CDH18: variants seen among roughly 807,000 people sequenced by gnomAD.
CDH18 encodes the protein cadherin 18.
CDH18 carries 31 observed loss-of-function variants against 67.9 expected under a neutral mutation model. The observed-to-expected ratio is 0.46, with a 90% CI of 0.34 to 0.62. The LOEUF (loss-of-function observed/expected upper bound fraction) is 0.62, where lower values mean the gene tolerates loss of function less well. Among genes scored for constraint, CDH18 ranks in the 20% least tolerant of loss-of-function variants. CDH18 has a pLI of 0.01. For synonymous variants in CDH18, 362 were observed against 347.2 expected (o/e 1.04, Z -0.48); for missense variants, 890 against 975.5 (o/e 0.91, Z 1.17).
intron 2 of CDH18, among the ~76,000 whole-genome samples, chr5:20,219,013 A>T (rs1452467831): frequency 3.3e-5 from 5 of 152,012 alleles, no homozygotes; most frequent in African/African-American, 4.8e-5. Flanking sequence ...GAAAATAAGT[A>T]ACAAAAATTA....
In CDH18 at chr5:20,017,316, T is replaced by G. The variant is rs1226589083; in HGVS notation, c.-517-25302A>C. Among the ~76,000 whole-genome samples, 4 of 152,240 alleles carry G rather than the reference T, an allele frequency of 2.6e-5. No individual in the cohort carries two copies. In the East Asian group the frequency reaches 7.7e-4, roughly 29 times the overall value. The stretch of plus-strand genomic sequence containing the variant: ...AATAAAAGTCCCTTCCAAATTCTAT[T>G]TATAAGAATTTTTTCACTTCTAAAA... On this transcript the variant is annotated intron_variant, in intron 2 of 14. Transcript: ENST00000507958.
intron 1 of CDH18, among the ~76,000 whole-genome samples, chr5:20,508,455 G>A (rs1754801552): frequency 6.7e-6 from 1 of 149,634 alleles, no homozygotes; most frequent in South Asian, 2.1e-4. Flanking sequence ...TTTATCTAAA[G>A]TAGCATGACT....
chr5:19,828,674 G>A (rs1394735993), intron 3 of CDH18, among the ~76,000 whole-genome samples: 15 of 152,240 alleles, frequency 9.9e-5, no homozygotes, highest in South Asian at 6.2e-4. Context: ...AAGGTTTCTG[G>A]TAAAATACAA....
At chr5:19,602,350 A>G (rs1438179631) in intron 6 of CDH18, among the ~76,000 whole-genome samples, 1 of 152,170 alleles carries the variant, frequency 6.6e-6, no homozygotes, top group African/African-American at 2.4e-5. Flanking sequence ...AAATGATAAA[A>G]TATTTAGGAA....
rs1745354641 is a variant in CDH18 at position 20,270,464 on chromosome 5, T to C, written c.-579-14959A>G. On this transcript the variant is annotated intron_variant, in intron 1 of 14. Transcript: ENST00000507958. ...TTCACACCAGTCAGAATGGCTATTATTAAAAAGTCAAAAAATAACAGATTC... is the reference window on the plus strand; with the variant it reads ...TTCACACCAGTCAGAATGGCTATTACTAAAAAGTCAAAAAATAACAGATTC... Among the ~76,000 whole-genome samples, 3 of 152,060 alleles carry C rather than the reference T, an allele frequency of 2.0e-5. No homozygotes were observed. The South Asian group carries it at 6.2e-4, about 31-fold the overall frequency.
intron 1 of CDH18, among the ~76,000 whole-genome samples, chr5:20,457,564 C>T (rs1750926263): frequency 6.6e-6 from 1 of 152,036 alleles, no homozygotes. Flanking sequence ...AACCCCGATG[C>T]TCTTCTTTTT....
chr5:20,529,627 A>G (rs1004761615), intron 1 of CDH18, among the ~76,000 whole-genome samples: 1 of 152,090 alleles, frequency 6.6e-6, no homozygotes, highest in Non-Finnish European at 1.5e-5. Flanking sequence ...ACACAAAACT[A>G]AAGATAAAAC....
chr5:19,955,098 C>G (rs1053013755), intron 2 of CDH18, among the ~76,000 whole-genome samples: 11 of 152,070 alleles, frequency 7.2e-5, no homozygotes, highest in Non-Finnish European at 1.5e-4. Flanking sequence ...AAGGGCTTTT[C>G]CTCCTTAGCT....
intron 2 of CDH18, among the ~76,000 whole-genome samples, chr5:19,975,887 T>G (rs1798449274): frequency 8.5e-6 from 1 of 118,342 alleles, no homozygotes; most frequent in Non-Finnish European, 2.1e-5. Context: ...ATTTAAGTGT[T>G]AAAAATACCT....
chr5:20,314,574 GTGGTATTTTGC>G (rs1301373263), intron 1 of CDH18, among the ~76,000 whole-genome samples: 1 of 152,028 alleles, frequency 6.6e-6, no homozygotes, highest in East Asian at 1.9e-4. Context: ...TAAAGGATCT[GTGGTATTTTGC>G]CTACTAAGAA....
intron 2 of CDH18, among the ~76,000 whole-genome samples, chr5:19,922,780 T>C (rs184317185): frequency 3.9e-5 from 6 of 152,294 alleles, no homozygotes. Context: ...ACATGAATAA[T>C]TATTGAAGAA....
chr5:19,716,197 C>A lies in CDH18; in HGVS notation c.643+5150G>T, dbSNP rs537467670. Reference sequence around the variant, plus strand: ...AGGACTGGACTAAGAGCATTGCCCTCATTTTCCCATGGGATTTAGGCATTA... The same window carrying A: ...AGGACTGGACTAAGAGCATTGCCCTAATTTTCCCATGGGATTTAGGCATTA... On this transcript the variant is annotated intron_variant, in intron 5 of 12. Coordinates refer to ENST00000382275, the MANE Select transcript of CDH18 (RefSeq NM_004934.5). 1.3e-3 allele frequency among the ~76,000 whole-genome samples: 201 copies of A among 152,134 alleles called. 1 individual carries two copies. Among genetic ancestry groups the A allele is most frequent in the African/African-American group, 4.6e-3 (192 of 41,542 alleles).
Position 20,172,190 on chromosome 5 carries a change from G to GTATATATATATATATA in CDH18, c.-518+83238_-518+83253dup, listed in dbSNP as rs70954640. Among the ~76,000 whole-genome samples, 14 of 23,328 alleles carry GTATATATATATATATA rather than the reference G, an allele frequency of 6.0e-4. 1 individual carries two copies. The highest frequency in any genetic ancestry group is 1.6e-3 in the East Asian group (1 of 634). 15.3% of individuals were successfully genotyped at this position (23,328 alleles called of 152,430 possible). A position where few individuals can be genotyped will look rare whatever the true frequency, so the allele number is the denominator to read the frequency against. ...AACTTTGATATCAATAGCATTGTGT[G>GTATATATATATATATA]TATATATATATATATATATATATAT... On this transcript the variant is annotated intron_variant, in intron 2 of 14. Transcript: ENST00000507958.
intron 2 of CDH18, among the ~76,000 whole-genome samples, chr5:19,940,221 T>TA: frequency 6.6e-6 from 1 of 151,504 alleles, no homozygotes; most frequent in Non-Finnish European, 1.5e-5. Context: ...ATATTAAAGA[T>TA]AAAGTAAATA....
intron 3 of CDH18, among the ~76,000 whole-genome samples, chr5:19,784,437 C>T (rs1775476162): frequency 2.0e-5 from 3 of 152,134 alleles, no homozygotes; most frequent in Admixed American, 6.5e-5. Context: ...TAGATATGAT[C>T]TTTGCTGTAA....
chr5:20,314,623 G>T (rs1477541218), intron 1 of CDH18, among the ~76,000 whole-genome samples: 2 of 152,050 alleles, frequency 1.3e-5, no homozygotes, highest in Admixed American at 6.6e-5. Context: ...ATTAGTTTTT[G>T]AGCACAGCGC....
intron 2 of CDH18, among the ~76,000 whole-genome samples, chr5:20,104,226 C>A (rs1264897725): frequency 6.6e-6 from 1 of 151,968 alleles, no homozygotes; most frequent in Non-Finnish European, 1.5e-5. Context: ...ATTAAATCCA[C>A]TTTTTGAAAT....
intron 10 of CDH18, among the ~76,000 whole-genome samples, chr5:19,513,300 A>G (rs2126843817): frequency 6.6e-6 from 1 of 152,194 alleles, no homozygotes; most frequent in South Asian, 2.1e-4. Flanking sequence ...AGCTTTGACA[A>G]ACTTTACTTT....
At chr5:20,028,829 T>G (rs1327126488) in intron 2 of CDH18, among the ~76,000 whole-genome samples, 1 of 152,158 alleles carries the variant, frequency 6.6e-6, no homozygotes, top group African/African-American at 2.4e-5. Flanking sequence ...TTTAATATTT[T>G]TTTGGCTGCA....
Sources: gnomAD v4.1 joint callset for allele counts (sites outside exome capture counted in the v4.1 genomes callset) on GRCh38, gnomAD v4.1.1 for gene constraint, MANE v1.5 for transcripts, NCBI Gene and HGNC (gene_info 2026-07-23, HGNC 2026-07-21) for gene names.